PHKB: variants seen among roughly 807,000 people sequenced by gnomAD.
The protein encoded by PHKB is phosphorylase kinase regulatory subunit beta.
Under a neutral mutation model 152.1 loss-of-function variants are expected in PHKB, and 122 were observed. That is an observed-to-expected ratio of 0.80 (90% confidence interval 0.69 to 0.93). The LOEUF (loss-of-function observed/expected upper bound fraction) is 0.93. Ranked by LOEUF, PHKB falls within the 40% of genes least tolerant of loss-of-function variation. The pLI is 0.00. For missense variants in PHKB, 1,304 were observed against 1,328.4 expected (o/e 0.98, Z 0.29); for synonymous variants, 436 against 464.9 (o/e 0.94, Z 0.80).
chr16:47,663,393 TG>T (rs1389311809), intron 23 of PHKB, among the ~76,000 whole-genome samples: 4 of 152,220 alleles, frequency 2.6e-5, no homozygotes, highest in Non-Finnish European at 5.9e-5. Flanking sequence ...GAATAGCATT[TG>T]TATTTGTTAA....
At chr16:47,656,376 CCTT>C (rs1208988972) in intron 20 of PHKB, among the ~76,000 whole-genome samples, 5 of 152,100 alleles carry the variant, frequency 3.3e-5, no homozygotes, top group Admixed American at 2.0e-4. Flanking sequence ...TTTACTTTTT[CCTT>C]CTTTTATTTA....
chr16:47,479,379 A>G (rs1855624960), intron 1 of PHKB, among the ~76,000 whole-genome samples: 2 of 152,080 alleles, frequency 1.3e-5, no homozygotes, highest in Non-Finnish European at 2.9e-5. Flanking sequence ...TCCTAAGACA[A>G]CAAAGCTGCT....
In PHKB at chr16:47,588,886, TC is replaced by T; in HGVS notation, c.871-18del. ...CATCGCTGTGGACACTCACAGTCTC[TC>T]TTTCTCATTGCCTCCAGAATACAGA... On this transcript the variant is annotated intron_variant, in intron 9 of 30. Transcript: ENST00000323584. The T allele has an allele frequency of 1.9e-6, 3 of 1,605,998 alleles. No homozygotes were observed. The highest frequency in any genetic ancestry group is 2.6e-6 in the Non-Finnish European group (3 of 1,172,928).
At chr16:47,684,445 A>G (rs1973924168) in intron 26 of PHKB, among the ~76,000 whole-genome samples, 1 of 152,190 alleles carries the variant, frequency 6.6e-6, no homozygotes, top group Non-Finnish European at 1.5e-5. Context: ...GCCAATACAC[A>G]CACTGTATCC....
intron 7 of PHKB, among the ~76,000 whole-genome samples, chr16:47,573,914 G>A (rs755899615): frequency 6.7e-6 from 1 of 148,180 alleles, no homozygotes; most frequent in African/African-American, 2.6e-5. Context: ...GGGAGTGCAC[G>A]CAAAACAATT....
At chr16:47,635,265 T>C (rs376166036) in intron 14 of PHKB, among the ~76,000 whole-genome samples, 7 of 152,196 alleles carry the variant, frequency 4.6e-5, no homozygotes, top group African/African-American at 1.7e-4. Flanking sequence ...GTATTAGCTG[T>C]ATGATGTTGG....
intron 6 of PHKB, among the ~76,000 whole-genome samples, chr16:47,543,952 T>C (rs1413547279): frequency 6.6e-6 from 1 of 152,128 alleles, no homozygotes; most frequent in East Asian, 1.9e-4. Flanking sequence ...TATTACAATC[T>C]ATTCTATACA....
chr16:47,497,133 T>C (rs1415128264), intron 1 of PHKB, among the ~76,000 whole-genome samples: 2 of 152,200 alleles, frequency 1.3e-5, no homozygotes, highest in Non-Finnish European at 2.9e-5. Flanking sequence ...GTTTGGACCA[T>C]GTACACATCA....
chr16:47,594,101 C>A, intron 11 of PHKB, 36 bp from the exon 12 acceptor site: 1 of 1,080,434 alleles, frequency 9.3e-7, no homozygotes, highest in Non-Finnish European at 1.4e-6. Flanking sequence ...CCTTATTAAG[C>A]TCAGCTGCTA....
chr16:47,467,585 C>G (rs1969690135), intron 1 of PHKB, among the ~76,000 whole-genome samples: 1 of 152,160 alleles, frequency 6.6e-6, no homozygotes, highest in Admixed American at 6.5e-5. Context: ...ACTTGGACCT[C>G]TGACCTCTTA....
intron 1 of PHKB, among the ~76,000 whole-genome samples, chr16:47,468,491 A>G (rs938081562): frequency 6.6e-6 from 1 of 152,218 alleles, no homozygotes; most frequent in Non-Finnish European, 1.5e-5. Flanking sequence ...GTCTCTACTA[A>G]TAATACAAAA....
At chr16:47,565,448 T>G (rs1178002366) in intron 7 of PHKB, 1 of 1,391,210 alleles carries the variant, frequency 7.2e-7, no homozygotes, top group Non-Finnish European at 1.0e-6. Context: ...GCAGGAGGGT[T>G]AGAACTTCAC....
intron 20 of PHKB, among the ~76,000 whole-genome samples, chr16:47,660,183 A>G (rs1018478550): frequency 1.3e-5 from 2 of 152,200 alleles, no homozygotes; most frequent in Admixed American, 1.3e-4. Flanking sequence ...TTTTTTTAAC[A>G]TTTTAATGGT....
Position 47,674,295 on chromosome 16 carries a change from G to GAAATGA in PHKB, c.2630+4878_2630+4879insAAATGA, listed in dbSNP as rs1597169046. On this transcript the variant is annotated intron_variant, in intron 26 of 30. Coordinates refer to ENST00000323584, the MANE Select transcript of PHKB (RefSeq NM_000293.3). The stretch of plus-strand genomic sequence containing the variant: ...GATTTTGCACCTTTATTCATCACAA[G>GAAATGA]GCAGAGAAAATGGGATGATTCTAAG... Among the ~76,000 whole-genome samples the GAAATGA allele has an allele frequency of 2.0e-5, 3 of 152,024 alleles. No individual in the cohort carries two copies. In the South Asian group the frequency reaches 6.2e-4, roughly 32 times the overall value.
In PHKB at chr16:47,603,711, C is replaced by T. The variant is rs139472024; in HGVS notation, c.1364-7115C>T. ...TTGGAGGCGGGGTTTCACCATGTTG[C>T]CCAGGCTGGTCTCGAACTCCTGAGC... On this transcript the variant is annotated intron_variant, in intron 13 of 30. Transcript: ENST00000323584. Among the ~76,000 whole-genome samples, 347 of 152,068 alleles carry T rather than the reference C, an allele frequency of 2.3e-3. 2 individuals carry two copies. The highest frequency in any genetic ancestry group is 7.8e-3 in the African/African-American group (322 of 41,506).
chr16:47,626,475 G>C lies in PHKB; in HGVS notation c.1459-14560G>C, dbSNP rs538201572. 2.0e-5 allele frequency among the ~76,000 whole-genome samples: 3 copies of C among 152,316 alleles called. No homozygotes were observed. The South Asian group carries it at 6.2e-4, about 32-fold the overall frequency. On this transcript the variant is annotated intron_variant, in intron 14 of 30. Coordinates refer to ENST00000323584, the MANE Select transcript of PHKB (RefSeq NM_000293.3). ...TTCCCCTCCAAGGCCTCTCTTCTTA[G>C]GTGGCTTTCACACTGTAATAACTGC...
intron 26 of PHKB, among the ~76,000 whole-genome samples, chr16:47,684,174 A>C (rs1973918007): frequency 6.6e-6 from 1 of 151,976 alleles, no homozygotes; most frequent in African/African-American, 2.4e-5. Context: ...CTCTACAAAA[A>C]AATTAAAAAT....
At chr16:47,525,553 C>T (rs1184505409) in intron 6 of PHKB, among the ~76,000 whole-genome samples, 1 of 152,182 alleles carries the variant, frequency 6.6e-6, no homozygotes, top group Non-Finnish European at 1.5e-5. Flanking sequence ...CCTAAGAAAA[C>T]TCCTAGGGAA....
At chr16:47,483,014 C>T (rs1251582683) in intron 1 of PHKB, among the ~76,000 whole-genome samples, 2 of 150,258 alleles carry the variant, frequency 1.3e-5, no homozygotes, top group Non-Finnish European at 3.0e-5. Context: ...AACCACCATG[C>T]CTGGCCTATT....
Sources: allele counts gnomAD v4.1 joint callset (sites outside exome capture counted in the v4.1 genomes callset), GRCh38; gene constraint gnomAD v4.1.1; transcripts MANE v1.5; gene names NCBI Gene and HGNC (gene_info 2026-07-23, HGNC 2026-07-21).